Variants in DLG2 observed in about 807,000 individuals in gnomAD.
DLG2 encodes the protein discs large MAGUK scaffold protein 2, also known as disks large homolog 2.
DLG2 carries 45 observed loss-of-function variants against 132.5 expected under a neutral mutation model. The observed-to-expected ratio is 0.34, with a 90% CI of 0.27 to 0.44. The LOEUF (loss-of-function observed/expected upper bound fraction) is 0.44, where lower values mean the gene tolerates loss of function less well. DLG2 is among the 20% of genes least tolerant of loss of function. DLG2 has a pLI of 1.00. For synonymous variants in DLG2, 424 were observed against 419.6 expected (o/e 1.01, Z -0.13); for missense variants, 1,045 against 1,196.9 (o/e 0.87, Z 1.87).
At chr11:85,402,272 G>A (rs2088214014) in intron 3 of DLG2, among the ~76,000 whole-genome samples, 2 of 152,160 alleles carry the variant, frequency 1.3e-5, no homozygotes, top group South Asian at 4.1e-4. Flanking sequence ...ATAGTGCTGT[G>A]AAAACTGGGT....
intron 7 of DLG2, among the ~76,000 whole-genome samples, chr11:84,465,470 G>A (rs965934205): frequency 2.0e-5 from 3 of 151,206 alleles, no homozygotes; most frequent in Admixed American, 2.0e-4. Flanking sequence ...GAGAGACAAT[G>A]AGAGTGGGCC....
At chr11:83,731,226 C>T (rs1289678341) in intron 18 of DLG2, among the ~76,000 whole-genome samples, 2 of 152,126 alleles carry the variant, frequency 1.3e-5, no homozygotes, top group Non-Finnish European at 2.9e-5. Flanking sequence ...CCTAGCAACC[C>T]ATCATCTAGG....
At chr11:84,652,220 T>C (rs1395571398) in intron 6 of DLG2, among the ~76,000 whole-genome samples, 1 of 152,188 alleles carries the variant, frequency 6.6e-6, no homozygotes, top group Non-Finnish European at 1.5e-5. Flanking sequence ...AAAACTAAGT[T>C]AGACATTTGT....
At chr11:84,184,112 A>C (rs1037716811) in intron 8 of DLG2, among the ~76,000 whole-genome samples, 11 of 152,262 alleles carry the variant, frequency 7.2e-5, no homozygotes, top group African/African-American at 2.6e-4. Context: ...GGCTGGGTCA[A>C]ATGGTATTTT....
At chr11:84,471,883 C>T (rs1602728816) in intron 7 of DLG2, among the ~76,000 whole-genome samples, 2 of 151,734 alleles carry the variant, frequency 1.3e-5, no homozygotes, top group Middle Eastern at 3.4e-3. Context: ...TGCAAAGTTA[C>T]TTAAAAGATT....
chr11:85,600,225 T>C (rs1289561906), intron 2 of DLG2, among the ~76,000 whole-genome samples: 1 of 152,212 alleles, frequency 6.6e-6, no homozygotes, highest in Non-Finnish European at 1.5e-5. Flanking sequence ...TCTTGAGCAC[T>C]GGAATATATC....
chr11:85,541,168 T>C (rs1478572571), intron 3 of DLG2, among the ~76,000 whole-genome samples: 1 of 152,194 alleles, frequency 6.6e-6, no homozygotes, highest in African/African-American at 2.4e-5. Flanking sequence ...CTTTTAACTT[T>C]ACCCTGTGAA....
chr11:84,821,251 T>C (rs1004084466), intron 6 of DLG2, among the ~76,000 whole-genome samples: 2 of 151,802 alleles, frequency 1.3e-5, no homozygotes, highest in Non-Finnish European at 2.9e-5. Context: ...CTTACTACAA[T>C]CTTATGATTC....
At chr11:85,440,690 G>A (rs983992093) in intron 3 of DLG2, among the ~76,000 whole-genome samples, 2 of 152,104 alleles carry the variant, frequency 1.3e-5, no homozygotes, top group African/African-American at 4.8e-5. Context: ...TTTCCAGAGG[G>A]AAATAAATTA....
chr11:83,791,919 A>G (rs1002648905), intron 17 of DLG2, among the ~76,000 whole-genome samples: 1 of 152,142 alleles, frequency 6.6e-6, no homozygotes, highest in Non-Finnish European at 1.5e-5. Flanking sequence ...CAAGCACATG[A>G]CTTTATTTCT....
intron 3 of DLG2, among the ~76,000 whole-genome samples, chr11:85,554,558 C>A (rs938178514): frequency 6.6e-6 from 1 of 151,802 alleles, no homozygotes; most frequent in African/African-American, 2.4e-5. Flanking sequence ...GAATTTAGTT[C>A]ATAGCTTGGC....
At chr11:83,746,503 C>T (rs1352289325) in intron 18 of DLG2, among the ~76,000 whole-genome samples, 1 of 151,856 alleles carries the variant, frequency 6.6e-6, no homozygotes, top group Non-Finnish European at 1.5e-5. Flanking sequence ...CGCACGTTCT[C>T]ACTTATAGGT....
intron 7 of DLG2, among the ~76,000 whole-genome samples, chr11:84,379,172 G>A (rs2098740806): frequency 6.6e-6 from 1 of 152,010 alleles, no homozygotes; most frequent in African/African-American, 2.4e-5. Flanking sequence ...TTTCAAGAAA[G>A]TGAATCATCA....
intron 6 of DLG2, among the ~76,000 whole-genome samples, chr11:85,028,499 C>A (rs971727292): frequency 6.6e-6 from 1 of 152,234 alleles, no homozygotes; most frequent in South Asian, 2.1e-4. Flanking sequence ...AGCCTGCAGG[C>A]CCACATCGAG....
intron 5 of DLG2, among the ~76,000 whole-genome samples, chr11:85,122,971 T>TATATATATATATATA (rs58158905): frequency 1.1e-4 from 5 of 44,112 alleles, no homozygotes; most frequent in East Asian, 7.9e-4. Context: ...ATATATATAT[T>TATATATATATATATA]TTTTTTTTTT....
intron 10 of DLG2, among the ~76,000 whole-genome samples, chr11:84,065,023 A>T (rs2096649969): frequency 6.6e-6 from 1 of 152,134 alleles, no homozygotes; most frequent in Non-Finnish European, 1.5e-5. Flanking sequence ...CATATGCAGA[A>T]GATTGCAATT....
At chr11:83,793,271 G>C (rs11825672) in intron 17 of DLG2, among the ~76,000 whole-genome samples, 1 of 152,066 alleles carries the variant, frequency 6.6e-6, no homozygotes, top group African/African-American at 2.4e-5. Flanking sequence ...CATAGATAGA[G>C]TGAATTTTTA....
At chr11:84,132,042 C>G (rs1468505828) in intron 9 of DLG2, among the ~76,000 whole-genome samples, 2 of 151,652 alleles carry the variant, frequency 1.3e-5, no homozygotes, top group Non-Finnish European at 2.9e-5. Context: ...ATTTGTGTAT[C>G]AGGATTACCT....
chr11:84,098,830 T>G, intron 10 of DLG2, 93 bp downstream of exon 10: 1 of 1,430,292 alleles, frequency 7.0e-7, no homozygotes, highest in Non-Finnish European at 9.5e-7. Context: ...AGTACAGAAC[T>G]TTTGTAGAAT....
Sources: gnomAD v4.1 joint callset for allele counts (sites outside exome capture counted in the v4.1 genomes callset) on GRCh38, gnomAD v4.1.1 for gene constraint, MANE v1.5 for transcripts, NCBI Gene and HGNC (gene_info 2026-07-23, HGNC 2026-07-21) for gene names.